Variants in CDK13 observed in about 807,000 individuals in gnomAD.
The protein encoded by CDK13 is cyclin dependent kinase 13.
In CDK13, 40 loss-of-function variants were observed where a neutral mutation model predicts 137.6. That is an observed-to-expected ratio of 0.29 (90% confidence interval 0.23 to 0.38). The LOEUF (loss-of-function observed/expected upper bound fraction) is 0.38. CDK13 is among the 10% of genes least tolerant of loss of function. The pLI, the probability that CDK13 is intolerant of heterozygous loss-of-function variation, is 1.00. For synonymous variants in CDK13, 869 were observed against 760.1 expected (o/e 1.14, Z -2.36); for missense variants, 1,704 against 1,951.8 (o/e 0.87, Z 2.39).
intron 7 of CDK13, chr7:40,062,117 G>C (rs1786160861): frequency 6.6e-6 from 1 of 152,048 alleles, no homozygotes; most frequent in Non-Finnish European, 1.5e-5. Flanking sequence ...GTCTTTATTT[G>C]AACTATATCT....
At chr7:40,093,999 T>C in intron 13 of CDK13, 131 bp from the exon 14 acceptor site, 1 of 1,140,076 alleles carries the variant, frequency 8.8e-7, no homozygotes, top group Non-Finnish European at 1.2e-6. Context: ...TTTTTGCTTT[T>C]TTCATTTAAC....
intron 5 of CDK13, among the ~76,000 whole-genome samples, chr7:40,003,936 T>C (rs1211877328): frequency 1.3e-5 from 2 of 152,230 alleles, no homozygotes; most frequent in East Asian, 3.8e-4. Flanking sequence ...TTCTACTACG[T>C]ATAGACACAG....
chr7:40,028,722 G>T (rs1290893769), intron 5 of CDK13, among the ~76,000 whole-genome samples: 1 of 151,496 alleles, frequency 6.6e-6, no homozygotes, highest in African/African-American at 2.4e-5. Flanking sequence ...TGTCTTTTAG[G>T]GACTTTTTAA....
intron 1 of CDK13, among the ~76,000 whole-genome samples, chr7:39,972,603 A>G (rs1048222042): frequency 9.8e-5 from 15 of 152,328 alleles, no homozygotes; most frequent in African/African-American, 1.4e-4. Flanking sequence ...GGATTCTTTC[A>G]CTAAAGCATA....
chr7:39,957,293 A>G (rs1000568546), intron 1 of CDK13, among the ~76,000 whole-genome samples: 1 of 151,760 alleles, frequency 6.6e-6, no homozygotes, highest in Middle Eastern at 3.4e-3. Context: ...CATCTAGATA[A>G]AAGTTAGTTT....
At chr7:40,050,789 G>T (rs887484608) in intron 7 of CDK13, among the ~76,000 whole-genome samples, 11 of 152,166 alleles carry the variant, frequency 7.2e-5, no homozygotes, top group Non-Finnish European at 1.2e-4. Context: ...AGATTTCACT[G>T]TAGTTAGATT....
rs1584103761 is a variant in CDK13, at chr7:40,098,264, G to C, written c.*3284G>C. ...CAAGACTTCTTGAGAAAAATGAAAA[G>C]TGAATACATAAATGCTTAAAATCTG... On this transcript the variant is annotated 3_prime_UTR_variant, in exon 14 of 14. Transcript: ENST00000181839. 6.6e-6 allele frequency: 1 copy of C among 152,062 alleles called. No individual in the cohort carries two copies. The highest frequency in any genetic ancestry group is 2.4e-5 in the African/African-American group (1 of 41,426). The allele number at this position is 152,062 out of a possible 1,614,324, so 9.4% of individuals were successfully genotyped here.
chr7:40,069,488 AAG>A (rs1248198463), intron 9 of CDK13: 1 of 326,392 alleles, frequency 3.1e-6, no homozygotes, highest in Non-Finnish European at 6.2e-6. Context: ...TCAAAAGTAA[AAG>A]AGGACTGATA....
intron 7 of CDK13, among the ~76,000 whole-genome samples, chr7:40,058,880 T>C (rs1181773908): frequency 6.6e-6 from 1 of 152,136 alleles, no homozygotes; most frequent in African/African-American, 2.4e-5. Context: ...TTTGTGTATA[T>C]GATGAATTTA....
chr7:40,078,846 A>C lies in CDK13; in HGVS notation c.3024A>C (p.Pro1008=). ...ATGTGGAACCCTCAAAAATGCCTCCACCAGAGTAAGTGACTTTTTATCCTA... is the reference window on the plus strand; with the variant it reads ...ATGTGGAACCCTCAAAAATGCCTCCCCCAGAGTAAGTGACTTTTTATCCTA... ...LRDVEPSKMP[P]PDLPLWQDCH... Residue 1008 remains proline (P), a synonymous_variant, in exon 11 of 14, where the codon CCA becomes CCC. Coordinates refer to ENST00000181839, the MANE Select transcript of CDK13 (RefSeq NM_003718.5). 5.6e-6 allele frequency: 8 copies of C among 1,418,018 alleles called. No homozygotes were observed. In the South Asian group the frequency reaches 1.4e-4, roughly 24 times the overall value. The allele number at this position is 1,418,018 out of a possible 1,614,324, so 87.8% of individuals were successfully genotyped here.
At chr7:39,955,707 G>A (rs1787385233) in intron 1 of CDK13, among the ~76,000 whole-genome samples, 1 of 151,918 alleles carries the variant, frequency 6.6e-6, no homozygotes, top group South Asian at 2.1e-4. Context: ...TGAACAATTG[G>A]GTTTAAATCT....
chr7:40,094,289 A>G lies in CDK13; in HGVS notation c.3848A>G (p.His1283Arg). The change falls in exon 14 of 14, where the codon CAT (histidine) becomes CGT (arginine). Residue 1283 changes from histidine to arginine, a missense_variant. Around this residue, in one of 5 missense-constraint regions of CDK13, gnomAD observed 475 missense variants for 579.3 expected, o/e 0.82. Transcript: ENST00000181839. Reference sequence around the variant, plus strand: ...CTAGATTATCGGACAGAAAACCAGCATGTACCCACCACCAGTTCTTCATTA... The same window carrying G: ...CTAGATTATCGGACAGAAAACCAGCGTGTACCCACCACCAGTTCTTCATTA... ...EDLDYRTENQ[H>R]VPTTSSSLTD... is the part of the protein sequence containing the mutation. 6.2e-7 allele frequency: 1 copy of G among 1,612,992 alleles called. No individual in the cohort carries two copies. The highest frequency in any genetic ancestry group is 1.7e-4 in the Middle Eastern group (1 of 6,046).
At chr7:40,055,719 C>G (rs1433699897) in intron 7 of CDK13, among the ~76,000 whole-genome samples, 1 of 151,934 alleles carries the variant, frequency 6.6e-6, no homozygotes, top group African/African-American at 2.4e-5. Context: ...GCTGGGATTA[C>G]AGGCATGCAC....
chr7:40,053,981 G>T (rs1381864746), intron 7 of CDK13, among the ~76,000 whole-genome samples: 1 of 152,070 alleles, frequency 6.6e-6, no homozygotes, highest in East Asian at 1.9e-4. Flanking sequence ...TAGAGCTCAG[G>T]ATCTTTTGAC....
chr7:40,082,790 CAAAAAAAAA>C (rs76440638), intron 11 of CDK13, among the ~76,000 whole-genome samples: 1 of 61,142 alleles, frequency 1.6e-5, no homozygotes, highest in African/African-American at 5.5e-5. Context: ...GACTCTGCCT[CAAAAAAAAA>C]AAAAAAAAAA....
At chr7:40,042,477 CTTTTTTTTTTTTTT>C (rs5883713) in intron 5 of CDK13, among the ~76,000 whole-genome samples, 1 of 76,146 alleles carries the variant, frequency 1.3e-5, no homozygotes, top group African/African-American at 5.5e-5. Context: ...TCTTTTCTTT[CTTTTTTTTTTTTTT>C]TTTTTTTTGA....
intron 5 of CDK13, among the ~76,000 whole-genome samples, chr7:40,024,630 T>G: frequency 6.9e-6 from 1 of 144,688 alleles, no homozygotes; most frequent in African/African-American, 2.5e-5. Context: ...TCTTCCAAGA[T>G]ATCTGTAGCT....
chr7:40,076,862 AC>A (rs1371231033), intron 9 of CDK13, among the ~76,000 whole-genome samples: 2 of 152,184 alleles, frequency 1.3e-5, no homozygotes, highest in African/African-American at 2.4e-5. Flanking sequence ...AATCAGTGAT[AC>A]ATCAACGTTT....
intron 9 of CDK13, 147 bp downstream of exon 9, chr7:40,063,247 A>G (rs1185992517): frequency 1.6e-6 from 1 of 640,832 alleles, no homozygotes; most frequent in Non-Finnish European, 2.7e-6. Context: ...ACAAACTGAA[A>G]TGTAGGCACT....
Sources: gnomAD v4.1 joint callset for allele counts (sites outside exome capture counted in the v4.1 genomes callset) on GRCh38, gnomAD v4.1.1 for gene constraint, gnomAD v4.1.1 regional missense constraint, MANE v1.5 for transcripts, NCBI Gene and HGNC (gene_info 2026-07-23, HGNC 2026-07-21) for gene names.